The following GRID2 variants were observed in gnomAD, a reference collection of about 807,000 sequenced individuals.
The protein encoded by GRID2 is glutamate receptor ionotropic, delta-2.
In GRID2, 33 loss-of-function variants were observed where a neutral mutation model predicts 114.8. The ratio of observed to expected loss-of-function variants is 0.29; its 90% confidence interval spans 0.22 to 0.38. GRID2 has a LOEUF of 0.38. Among genes scored for constraint, GRID2 ranks in the 10% least tolerant of loss-of-function variants. The pLI is 1.00. For missense variants in GRID2, 1,184 were observed against 1,257.7 expected (o/e 0.94, Z 0.89); for synonymous variants, 505 against 449.9 (o/e 1.12, Z -1.55).
At chr4:93,626,554 C>G in intron 14 of GRID2, 119 bp downstream of exon 14, 1 of 600,504 alleles carries the variant, frequency 1.7e-6, no homozygotes, top group Non-Finnish European at 2.9e-6. Context: ...GCACAATAAA[C>G]AACAACAACA....
chr4:92,951,612 G>A (rs1195929711), intron 2 of GRID2, among the ~76,000 whole-genome samples: 1 of 151,984 alleles, frequency 6.6e-6, no homozygotes, highest in Non-Finnish European at 1.5e-5. Flanking sequence ...AAAGTTATGG[G>A]CCACTGTGCC....
chr4:93,217,139 G>A (rs796623462), intron 6 of GRID2: 37 of 349,898 alleles, frequency 1.1e-4, no homozygotes, highest in African/African-American at 7.2e-4. Context: ...AATATAATAA[G>A]TAAAGGTTAT....
At chr4:93,532,731 A>C (rs1731574981) in intron 13 of GRID2, among the ~76,000 whole-genome samples, 1 of 152,186 alleles carries the variant, frequency 6.6e-6, no homozygotes, top group South Asian at 2.1e-4. Flanking sequence ...GGATATAATA[A>C]TTATATGCAA....
intron 13 of GRID2, among the ~76,000 whole-genome samples, chr4:93,524,615 C>G (rs1730648025): frequency 6.6e-6 from 1 of 151,286 alleles, no homozygotes; most frequent in Non-Finnish European, 1.5e-5. Context: ...AAGGAGAAAC[C>G]TAGAATCATT....
chr4:92,485,300 G>GTATA (rs1560662720), intron 1 of GRID2, among the ~76,000 whole-genome samples: 2 of 35,148 alleles, frequency 5.7e-5, no homozygotes, highest in African/African-American at 1.2e-4. Context: ...TAAGGTGTGT[G>GTATA]CATATATATA....
chr4:93,708,189 C>T (rs968068194), intron 14 of GRID2, among the ~76,000 whole-genome samples: 1 of 151,978 alleles, frequency 6.6e-6, no homozygotes, highest in African/African-American at 2.4e-5. Flanking sequence ...CTTTGAATAT[C>T]TCTTATGTCC....
chr4:92,672,147 C>T (rs779008810), intron 2 of GRID2, among the ~76,000 whole-genome samples: 3 of 152,048 alleles, frequency 2.0e-5, no homozygotes, highest in Non-Finnish European at 2.9e-5. Context: ...GAGAGAGAAT[C>T]GTATAGTATA....
chr4:92,342,211 A>G (rs1302851145), intron 1 of GRID2, among the ~76,000 whole-genome samples: 2 of 152,140 alleles, frequency 1.3e-5, no homozygotes, highest in Non-Finnish European at 2.9e-5. Context: ...ATTTATACAC[A>G]TATGTATGTA....
At chr4:93,235,018 A>G (rs1746604727) in intron 7 of GRID2, among the ~76,000 whole-genome samples, 1 of 152,118 alleles carries the variant, frequency 6.6e-6, no homozygotes, top group Non-Finnish European at 1.5e-5. Flanking sequence ...CCTTCATCAT[A>G]AACAGAATGA....
intron 2 of GRID2, among the ~76,000 whole-genome samples, chr4:92,848,693 A>T (rs1197418825): frequency 6.6e-6 from 1 of 151,996 alleles, no homozygotes; most frequent in African/African-American, 2.4e-5. Flanking sequence ...GAAGCGGGCT[A>T]CGGGGATCTG....
intron 12 of GRID2, among the ~76,000 whole-genome samples, chr4:93,493,495 C>A (rs1727224228): frequency 6.6e-6 from 1 of 151,638 alleles, no homozygotes; most frequent in South Asian, 2.1e-4. Context: ...AGAGTCCAAT[C>A]CATGTCAATC....
At chr4:93,479,397 T>G (rs1267577862) in intron 11 of GRID2, among the ~76,000 whole-genome samples, 2 of 152,052 alleles carry the variant, frequency 1.3e-5, no homozygotes, top group African/African-American at 2.4e-5. Context: ...TAGATAGAGA[T>G]GTAGATATAG....
At chr4:93,367,184 C>A (rs1762421248) in intron 8 of GRID2, among the ~76,000 whole-genome samples, 1 of 136,938 alleles carries the variant, frequency 7.3e-6, no homozygotes, top group Non-Finnish European at 1.6e-5. Context: ...GAGCCTGTGG[C>A]TTTATTTTTT....
chr4:93,570,800 T>C (rs1434969071), intron 13 of GRID2, among the ~76,000 whole-genome samples: 1 of 152,178 alleles, frequency 6.6e-6, no homozygotes, highest in Non-Finnish European at 1.5e-5. Context: ...TTTATAATTA[T>C]AGACATCTTA....
intron 2 of GRID2, among the ~76,000 whole-genome samples, chr4:92,911,777 CT>C (rs529109175): frequency 0.017 from 2,397 of 142,512 alleles, 41 homozygotes; most frequent in African/African-American, 0.049. Context: ...AAATAAATGC[CT>C]TTTTTTTTTT....
intron 13 of GRID2, among the ~76,000 whole-genome samples, chr4:93,621,628 G>T (rs961178665): frequency 7.9e-5 from 12 of 152,172 alleles, no homozygotes; most frequent in Non-Finnish European, 1.5e-4. Context: ...TTATTATTCT[G>T]TTGAAAGGTG....
intron 9 of GRID2, among the ~76,000 whole-genome samples, chr4:93,404,368 A>G (rs1338982943): frequency 6.6e-6 from 1 of 152,102 alleles, no homozygotes; most frequent in Admixed American, 6.6e-5. Context: ...TGCACTTTGG[A>G]TGGGTGAATT....
intron 13 of GRID2, among the ~76,000 whole-genome samples, chr4:93,552,098 C>A (rs1300419363): frequency 7.0e-6 from 1 of 142,798 alleles, no homozygotes; most frequent in Non-Finnish European, 1.5e-5. Flanking sequence ...TCTCTTTATT[C>A]AATTCCCACC....
intron 8 of GRID2, among the ~76,000 whole-genome samples, chr4:93,249,394 GTTCTAA>G (rs902508672): frequency 2.6e-5 from 4 of 151,972 alleles, no homozygotes; most frequent in Non-Finnish European, 4.4e-5. Context: ...AGTAGTTTTT[GTTCTAA>G]TTCTGTGAAG....
Sources: gnomAD v4.1 joint callset for allele counts (sites outside exome capture counted in the v4.1 genomes callset) on GRCh38, gnomAD v4.1.1 for gene constraint, MANE v1.5 for transcripts, NCBI Gene and HGNC (gene_info 2026-07-23, HGNC 2026-07-21) for gene names.